Variants in PDE1A observed in about 807,000 individuals in gnomAD.
PDE1A encodes dual specificity calcium/calmodulin-dependent 3',5'-cyclic nucleotide phosphodiesterase 1A.
In PDE1A, 35 loss-of-function variants were observed where a neutral mutation model predicts 61.7. The observed-to-expected ratio is 0.57, with a 90% CI of 0.43 to 0.75. PDE1A has a LOEUF of 0.75. PDE1A is among the 30% of genes least tolerant of loss of function. PDE1A has a pLI of 0.00. For synonymous variants in PDE1A, 232 were observed against 213.2 expected (o/e 1.09, Z -0.77); for missense variants, 597 against 630.6 (o/e 0.95, Z 0.57).
the PDE1A span, among the ~76,000 whole-genome samples, chr2:182,709,844 C>T: frequency 6.6e-6 from 1 of 152,152 alleles, no homozygotes. Flanking sequence ...TTTCTCTTCC[C>T]CATCATGACC....
chr2:182,274,130 AG>A (rs754250485), intron 1 of PDE1A, among the ~76,000 whole-genome samples: 7 of 151,954 alleles, frequency 4.6e-5, no homozygotes, highest in Non-Finnish European at 7.4e-5. Context: ...CATTCAGGAG[AG>A]CTCTGCCCCC....
intron 2 of PDE1A, among the ~76,000 whole-genome samples, chr2:182,469,298 C>T (rs1230539907): frequency 6.6e-6 from 1 of 151,968 alleles, no homozygotes; most frequent in Non-Finnish European, 1.5e-5. Context: ...TTCTGGAAAA[C>T]TTGCTGCAGC....
chr2:182,176,481 CTGTT>C (rs1692800765), intron 13 of PDE1A, among the ~76,000 whole-genome samples: 2 of 139,628 alleles, frequency 1.4e-5, no homozygotes, highest in African/African-American at 2.9e-5. Context: ...ATTTGGCTCT[CTGTT>C]TGTCTGTTGT....
At chr2:182,677,838 AC>A in the PDE1A span, among the ~76,000 whole-genome samples, 3 of 152,162 alleles carry the variant, frequency 2.0e-5, no homozygotes, top group African/African-American at 7.2e-5. Flanking sequence ...TTGAAACTGG[AC>A]CCCTTCCTTA....
intron 6 of PDE1A, among the ~76,000 whole-genome samples, chr2:182,225,309 T>C (rs1360102853): frequency 6.6e-6 from 1 of 151,894 alleles, no homozygotes; most frequent in Non-Finnish European, 1.5e-5. Context: ...AATGGACTAA[T>C]TTGATGAGAA....
chr2:182,651,806 T>A, the PDE1A span, among the ~76,000 whole-genome samples: 1 of 152,304 alleles, frequency 6.6e-6, no homozygotes, highest in African/African-American at 2.4e-5. Flanking sequence ...AGAAATGTCT[T>A]CGCCCCACTT....
chr2:182,413,990 A>G (rs1007986842), intron 1 of PDE1A, among the ~76,000 whole-genome samples: 1 of 152,184 alleles, frequency 6.6e-6, no homozygotes, highest in African/African-American at 2.4e-5. Context: ...AGTATTGGGT[A>G]TCAGGAGGTC....
At chr2:182,472,953 T>TC (rs1189628325) in intron 2 of PDE1A, among the ~76,000 whole-genome samples, 9 of 151,570 alleles carry the variant, frequency 5.9e-5, no homozygotes, top group South Asian at 4.1e-4. Context: ...TTTTTTTTTT[T>TC]TAAATTTTTT....
At chr2:182,249,821 T>C (rs921001043) in intron 2 of PDE1A, among the ~76,000 whole-genome samples, 1 of 149,880 alleles carries the variant, frequency 6.7e-6, no homozygotes, top group African/African-American at 2.4e-5. Flanking sequence ...TGAGGATCGA[T>C]ATAGATGATA....
intron 1 of PDE1A, among the ~76,000 whole-genome samples, chr2:182,416,111 A>G (rs1702900534): frequency 6.6e-6 from 1 of 152,210 alleles, no homozygotes; most frequent in Admixed American, 6.5e-5. Context: ...TGGTTTCATT[A>G]CAGGGCAAAT....
At chr2:182,232,442 A>G (rs1421132226) in intron 4 of PDE1A, among the ~76,000 whole-genome samples, 2 of 152,202 alleles carry the variant, frequency 1.3e-5, no homozygotes, top group Non-Finnish European at 2.9e-5. Flanking sequence ...CTGGAGGCCA[A>G]CTCTATGTGC....
chr2:182,458,449 A>G (rs1216763906), intron 2 of PDE1A, among the ~76,000 whole-genome samples: 1 of 152,100 alleles, frequency 6.6e-6, no homozygotes, highest in Admixed American at 6.6e-5. Flanking sequence ...ATGGGAAAAA[A>G]TCAGTAATAG....
downstream of PDE1A, among the ~76,000 whole-genome samples, chr2:182,144,112 C>A (rs1559112218): frequency 6.6e-6 from 1 of 152,170 alleles, no homozygotes; most frequent in Non-Finnish European, 1.5e-5. Flanking sequence ...AAAGTCCAGG[C>A]AAGTCTACTG....
chr2:182,639,469 G>A, the PDE1A span, among the ~76,000 whole-genome samples: 4 of 152,172 alleles, frequency 2.6e-5, no homozygotes, highest in Admixed American at 6.5e-5. Context: ...TCAGGAGGTC[G>A]AGGCAGGAGA....
At chr2:182,207,490 T>G (rs1305714247) in intron 7 of PDE1A, among the ~76,000 whole-genome samples, 1 of 152,198 alleles carries the variant, frequency 6.6e-6, no homozygotes, top group African/African-American at 2.4e-5. Context: ...GTTTGGCTGT[T>G]TGTAAAAGCC....
At chr2:182,197,580 T>G (rs940047559) in intron 10 of PDE1A, among the ~76,000 whole-genome samples, 3 of 151,838 alleles carry the variant, frequency 2.0e-5, no homozygotes, top group African/African-American at 7.2e-5. Flanking sequence ...TGTGTTAAGG[T>G]GTAGGTAGGG....
At chr2:182,343,714 C>G (rs929837533) in intron 1 of PDE1A, among the ~76,000 whole-genome samples, 1 of 151,938 alleles carries the variant, frequency 6.6e-6, no homozygotes, top group Admixed American at 6.6e-5. Context: ...ACAATATTAC[C>G]ATTTATGATT....
At chr2:182,154,636 T>C (rs1056905361) in intron 13 of PDE1A, among the ~76,000 whole-genome samples, 7 of 152,190 alleles carry the variant, frequency 4.6e-5, no homozygotes, top group Non-Finnish European at 1.0e-4. Context: ...CCTGCCGCCA[T>C]GTAAGCCACA....
At chr2:182,347,533 G>A (rs1698592989) in intron 1 of PDE1A, among the ~76,000 whole-genome samples, 1 of 151,862 alleles carries the variant, frequency 6.6e-6, no homozygotes, top group Non-Finnish European at 1.5e-5. Context: ...TTTGCCTCTG[G>A]TACAATCATG....
Sources: gnomAD v4.1 joint callset for allele counts (sites outside exome capture counted in the v4.1 genomes callset) on GRCh38, gnomAD v4.1.1 for gene constraint, MANE v1.5 for transcripts, NCBI Gene and HGNC (gene_info 2026-07-23, HGNC 2026-07-21) for gene names.